Variants in CORO2B observed in about 807,000 individuals in gnomAD.
The protein encoded by CORO2B is coronin 2B.
In CORO2B, 26 loss-of-function variants were observed where a neutral mutation model predicts 58.8. The observed-to-expected ratio is 0.44, with a 90% CI of 0.32 to 0.61. The LOEUF (loss-of-function observed/expected upper bound fraction) is 0.61, where lower values mean the gene tolerates loss of function less well. CORO2B is among the 20% of genes least tolerant of loss of function. The probability of loss-of-function intolerance (pLI) is 0.04; values close to 1 mark genes in which losing one functional copy is unlikely to be tolerated. For synonymous variants in CORO2B, 242 were observed against 253.8 expected, an observed-to-expected ratio of 0.95 and a Z score of 0.44; for missense variants, 460 against 645.1, an observed-to-expected ratio of 0.71 and a Z score of 3.11.
the CORO2B span, among the ~76,000 whole-genome samples, chr15:68,542,554 A>T: frequency 6.6e-6 from 1 of 152,248 alleles, no homozygotes; most frequent in Admixed American, 6.5e-5. Context: ...TGCTAACAAC[A>T]ACCACCCTTA....
At position 68,719,423 on chromosome 15, in the gene CORO2B, G is replaced by A; in HGVS notation, c.1182G>A (p.Leu394=). 1.7e-5 allele frequency: 27 copies of A among 1,613,944 alleles called. No homozygotes were observed. Among genetic ancestry groups the A allele is most frequent in the Non-Finnish European group, 2.2e-5 (26 of 1,179,962 alleles). ...WLGGINRDPV[L]MSLKEGYKKS... ...CCTTGCCTTCTTTAGATCCCGTGCTGATGTCTTTGAAAGAAGGCTATAAGA... is the reference window on the plus strand; with the variant it reads ...CCTTGCCTTCTTTAGATCCCGTGCTAATGTCTTTGAAAGAAGGCTATAAGA... The change falls in exon 11 of 12, where the codon CTG becomes CTA. Residue 394 remains leucine (L), a synonymous_variant. Coordinates refer to ENST00000261861, the MANE Select transcript of CORO2B (RefSeq NM_006091.5).
At chr15:68,614,529 C>T (rs1163049145) in intron 1 of CORO2B, among the ~76,000 whole-genome samples, 1 of 152,102 alleles carries the variant, frequency 6.6e-6, no homozygotes, top group Non-Finnish European at 1.5e-5. Flanking sequence ...CAGTAACTTG[C>T]TGGAGAAACT....
At chr15:68,702,409 T>C (rs1892674201) in intron 3 of CORO2B, among the ~76,000 whole-genome samples, 1 of 152,152 alleles carries the variant, frequency 6.6e-6, no homozygotes, top group South Asian at 2.1e-4. Context: ...TGCTCAACAA[T>C]GCTTCCTTCT....
intron 11 of CORO2B, among the ~76,000 whole-genome samples, chr15:68,724,002 G>C (rs890224596): frequency 1.3e-5 from 2 of 151,646 alleles, no homozygotes; most frequent in Admixed American, 6.6e-5. Context: ...AGGAGTTCAA[G>C]ACCAGCCTGG....
the CORO2B span, among the ~76,000 whole-genome samples, chr15:68,533,231 A>G: frequency 1.9e-4 from 29 of 152,272 alleles, no homozygotes; most frequent in Middle Eastern, 3.4e-3. Flanking sequence ...CTGTTAACCA[A>G]TATCTGAAAA....
chr15:68,692,911 G>A (rs1255609871), intron 2 of CORO2B, among the ~76,000 whole-genome samples: 3 of 152,024 alleles, frequency 2.0e-5, no homozygotes, highest in African/African-American at 4.8e-5. Flanking sequence ...TGGGATTACA[G>A]GCATGATCCA....
Position 68,669,094 on chromosome 15 carries a change from G to A in CORO2B, c.216+23734G>A, listed in dbSNP as rs1010331726. Reference sequence around the variant, plus strand: ...AAGAGAGAGAGAGAGAGAGAAAGAAGGAAGGAAGGAAGGAAGGAGGGAAGG... The same window carrying A: ...AAGAGAGAGAGAGAGAGAGAAAGAAAGAAGGAAGGAAGGAAGGAGGGAAGG... On this transcript the variant is annotated intron_variant, in intron 2 of 11. Coordinates refer to ENST00000261861, the MANE Select transcript of CORO2B (RefSeq NM_006091.5). Among the ~76,000 whole-genome samples the A allele has an allele frequency of 1.1e-3, 157 of 143,826 alleles. 1 individual carries two copies. The highest frequency in any genetic ancestry group is 3.7e-3 in the African/African-American group (145 of 38,734). The allele number at this position is 143,826 out of a possible 152,430, so 94.4% of individuals were successfully genotyped here.
At chr15:68,695,359 T>C in intron 3 of CORO2B, 103 bp downstream of exon 3, 1 of 806,972 alleles carries the variant, frequency 1.2e-6, no homozygotes, top group South Asian at 1.5e-5. Context: ...TTTGCCCTTC[T>C]TCCCTCCTCT....
chr15:68,623,779 C>T (rs1458394142), intron 1 of CORO2B, among the ~76,000 whole-genome samples: 1 of 152,168 alleles, frequency 6.6e-6, no homozygotes, highest in African/African-American at 2.4e-5. Flanking sequence ...GGGTAATCCC[C>T]GTTTGTGCCA....
At chr15:68,530,250 G>A in the CORO2B span, among the ~76,000 whole-genome samples, 15 of 152,144 alleles carry the variant, frequency 9.9e-5, no homozygotes, top group Non-Finnish European at 1.9e-4. Context: ...GTGTGAAACC[G>A]GGAGGCGGAG....
At chr15:68,566,006 C>T in the CORO2B span, among the ~76,000 whole-genome samples, 12 of 152,218 alleles carry the variant, frequency 7.9e-5, no homozygotes, top group African/African-American at 2.9e-4. Flanking sequence ...TCCTCCACCT[C>T]TGTGGAGAGG....
the CORO2B span, among the ~76,000 whole-genome samples, chr15:68,519,142 A>G: frequency 2.0e-5 from 3 of 152,186 alleles, no homozygotes; most frequent in Non-Finnish European, 4.4e-5. Context: ...TCCACACCCC[A>G]GGGCAAACAC....
At chr15:68,637,662 T>C (rs1290970292) in intron 1 of CORO2B, among the ~76,000 whole-genome samples, 1 of 152,116 alleles carries the variant, frequency 6.6e-6, no homozygotes, top group African/African-American at 2.4e-5. Context: ...TGACAGCACA[T>C]GACCCAGGAG....
chr15:68,676,624 G>A lies in CORO2B; in HGVS notation c.217-18516G>A, dbSNP rs147087190. ...TCAAGCTGGAGTGCAGGTCTCAGCC[G>A]TGTTTCCCAAGTCCTGCTGTCACCT... On this transcript the variant is annotated intron_variant, in intron 2 of 11. Coordinates refer to ENST00000261861, the MANE Select transcript of CORO2B (RefSeq NM_006091.5). 4.5e-3 allele frequency among the ~76,000 whole-genome samples: 693 copies of A among 152,346 alleles called. 5 individuals carry two copies. Among genetic ancestry groups the A allele is most frequent in the African/African-American group, 0.015 (623 of 41,588 alleles).
the CORO2B span, among the ~76,000 whole-genome samples, chr15:68,531,501 AAGG>A: frequency 0.048 from 219 of 4,572 alleles, 1 homozygote; most frequent in African/African-American, 0.13. Flanking sequence ...TATCTCAAAA[AAGG>A]AAGGAAGGAA....
At chr15:68,550,725 G>C in the CORO2B span, among the ~76,000 whole-genome samples, 4 of 152,248 alleles carry the variant, frequency 2.6e-5, no homozygotes, top group African/African-American at 9.6e-5. Flanking sequence ...GGCGCTCTGC[G>C]GGAAGGTTTT....
the CORO2B span, among the ~76,000 whole-genome samples, chr15:68,536,786 A>G: frequency 6.6e-6 from 1 of 152,228 alleles, no homozygotes; most frequent in Non-Finnish European, 1.5e-5. Context: ...AGGTCTGGCC[A>G]ATGACATGGA....
At chr15:68,641,322 C>T (rs150077328) in intron 1 of CORO2B, among the ~76,000 whole-genome samples, 6 of 152,290 alleles carry the variant, frequency 3.9e-5, no homozygotes, top group Admixed American at 1.3e-4. Context: ...GCTGTGGGGG[C>T]AACAGGAGAT....
chr15:68,616,905 G>A (rs1221894484), intron 1 of CORO2B, among the ~76,000 whole-genome samples: 3 of 152,238 alleles, frequency 2.0e-5, no homozygotes, highest in Admixed American at 1.3e-4. Context: ...TGGAAGACAT[G>A]CCTGAGGATA....
Sources: gnomAD v4.1 joint callset for allele counts (sites outside exome capture counted in the v4.1 genomes callset) on GRCh38, gnomAD v4.1.1 for gene constraint, MANE v1.5 for transcripts, NCBI Gene and HGNC (gene_info 2026-07-23, HGNC 2026-07-21) for gene names.